The following ZDHHC14 variants were observed in gnomAD, a reference collection of about 807,000 sequenced individuals.
ZDHHC14 encodes palmitoyltransferase ZDHHC14.
A neutral mutation model predicts 47.7 loss-of-function variants in ZDHHC14; 16 were observed. The observed-to-expected ratio is 0.34, with a 90% CI of 0.23 to 0.51. The LOEUF (loss-of-function observed/expected upper bound fraction) is 0.51, where lower values mean the gene tolerates loss of function less well. Ranked by LOEUF, ZDHHC14 falls within the 20% of genes least tolerant of loss-of-function variation. ZDHHC14 has a pLI of 0.97. For missense variants in ZDHHC14, 515 were observed against 662.5 expected (o/e 0.78, Z 2.44); for synonymous variants, 293 against 278.9 (o/e 1.05, Z -0.50).
chr6:157,415,986 G>C (rs1262313344), intron 1 of ZDHHC14, among the ~76,000 whole-genome samples: 2 of 152,096 alleles, frequency 1.3e-5, no homozygotes, highest in Non-Finnish European at 2.9e-5. Flanking sequence ...CTGATGAAGT[G>C]CCCCACATGC....
chr6:157,488,861 C>T (rs549771324), intron 1 of ZDHHC14, among the ~76,000 whole-genome samples: 38 of 152,312 alleles, frequency 2.5e-4, no homozygotes, highest in South Asian at 8.3e-4. Context: ...CATTCTGAGC[C>T]GCGGTGTGGA....
intron 1 of ZDHHC14, among the ~76,000 whole-genome samples, chr6:157,537,475 C>T (rs1322692842): frequency 6.6e-6 from 1 of 152,174 alleles, no homozygotes; most frequent in South Asian, 2.1e-4. Context: ...GTAAAGGCTT[C>T]TCATCATTTT....
chr6:157,454,498 CTTTTTTT>C (rs5881212), intron 1 of ZDHHC14, among the ~76,000 whole-genome samples: 41 of 127,674 alleles, frequency 3.2e-4, no homozygotes, highest in Admixed American at 8.9e-4. Flanking sequence ...GCAGCTTCTT[CTTTTTTT>C]TTTTTTTTTT....
chr6:157,589,770 G>A (rs1300288470), intron 2 of ZDHHC14, among the ~76,000 whole-genome samples: 1 of 152,148 alleles, frequency 6.6e-6, no homozygotes, highest in African/African-American at 2.4e-5. Context: ...TGGGTAGTGG[G>A]GCACTGCTAT....
intron 3 of ZDHHC14, among the ~76,000 whole-genome samples, chr6:157,612,843 G>GAA (rs67622838): frequency 0.095 from 13,970 of 147,530 alleles, 1,916 homozygotes; most frequent in African/African-American, 0.3. Context: ...CTCTCTTAGA[G>GAA]AAAAAAAAAA....
chr6:157,384,790 C>G (rs1354825278), intron 1 of ZDHHC14, among the ~76,000 whole-genome samples: 2 of 152,176 alleles, frequency 1.3e-5, no homozygotes, highest in Non-Finnish European at 2.9e-5. Context: ...TAACCCCATA[C>G]AGAGGAAGAA....
chr6:157,538,892 G>A (rs1209466701), intron 1 of ZDHHC14, among the ~76,000 whole-genome samples: 4 of 152,138 alleles, frequency 2.6e-5, no homozygotes, highest in Admixed American at 2.0e-4. Context: ...TGCCTGAGAC[G>A]CCCAAATGTT....
intron 1 of ZDHHC14, among the ~76,000 whole-genome samples, chr6:157,391,860 G>A (rs544316966): frequency 6.6e-6 from 1 of 152,180 alleles, no homozygotes; most frequent in African/African-American, 2.4e-5. Context: ...ACTTGTGATT[G>A]TTAAAAACTT....
chr6:157,632,644 T>C (rs1262104604), intron 4 of ZDHHC14, 190 bp from the exon 5 acceptor site: 1 of 643,088 alleles, frequency 1.6e-6, no homozygotes, highest in East Asian at 2.6e-5. Context: ...TAATTATGAA[T>C]CCTCCATTTT....
At chr6:157,494,030 A>G (rs1156229616) in intron 1 of ZDHHC14, among the ~76,000 whole-genome samples, 1 of 152,226 alleles carries the variant, frequency 6.6e-6, no homozygotes, top group African/African-American at 2.4e-5. Flanking sequence ...GTTTGTAAAG[A>G]AGAGTGGTCC....
rs34422181 is a variant in ZDHHC14, at chr6:157,677,240, TAAAAAAAA to T, written c.*4132_*4139del. 145 of 126,586 alleles carry T rather than the reference TAAAAAAAA, an allele frequency of 1.1e-3. No individual in the cohort carries two copies. Among genetic ancestry groups the T allele is most frequent in the African/African-American group, 3.8e-3 (132 of 34,294 alleles). The allele number at this position is 126,586 out of a possible 1,614,324, so 7.8% of individuals were successfully genotyped here. ...ATGCTATTTTCCAAGGTACCTCATT[TAAAAAAAA>T]AAAAAAAAAAAAACTGCCTCTCATT... On this transcript the variant is annotated 3_prime_UTR_variant, in exon 9 of 9. Coordinates refer to ENST00000359775, the MANE Select transcript of ZDHHC14 (RefSeq NM_024630.3).
At chr6:157,579,359 A>G (rs563827937) in intron 2 of ZDHHC14, among the ~76,000 whole-genome samples, 3 of 151,580 alleles carry the variant, frequency 2.0e-5, no homozygotes, top group East Asian at 1.9e-4. Context: ...CACCACGCCC[A>G]GCTAATTTTT....
chr6:157,429,825 A>G (rs1245632927), intron 1 of ZDHHC14, among the ~76,000 whole-genome samples: 1 of 152,106 alleles, frequency 6.6e-6, no homozygotes. Context: ...GAGTTGAGGA[A>G]GTCTCCCATA....
intron 1 of ZDHHC14, among the ~76,000 whole-genome samples, chr6:157,400,500 A>G (rs184181149): frequency 1.3e-5 from 2 of 152,278 alleles, no homozygotes; most frequent in Admixed American, 6.5e-5. Flanking sequence ...ATGAAACAAC[A>G]CTTAATCTGA....
intron 1 of ZDHHC14, among the ~76,000 whole-genome samples, chr6:157,504,190 A>T (rs1292430277): frequency 6.3e-5 from 5 of 79,016 alleles, no homozygotes; most frequent in Admixed American, 2.6e-4. Context: ...GGGCATATAT[A>T]TATTTTTTTT....
At chr6:157,480,972 T>C (rs1468706859) in intron 1 of ZDHHC14, among the ~76,000 whole-genome samples, 1 of 152,248 alleles carries the variant, frequency 6.6e-6, no homozygotes, top group Non-Finnish European at 1.5e-5. Context: ...AGTTGTTTTG[T>C]TACAAGAGCT....
intron 1 of ZDHHC14, among the ~76,000 whole-genome samples, chr6:157,540,906 G>A (rs1185634797): frequency 6.3e-5 from 8 of 127,084 alleles, no homozygotes; most frequent in African/African-American, 2.3e-4. Context: ...GTGTGTGTGT[G>A]TGTGTATATA....
chr6:157,464,672 A>C (rs978509545), intron 1 of ZDHHC14, among the ~76,000 whole-genome samples: 1 of 152,102 alleles, frequency 6.6e-6, no homozygotes, highest in African/African-American at 2.4e-5. Flanking sequence ...TATTCTAATG[A>C]TCTATTATTG....
chr6:157,587,922 C>T (rs1303439361), intron 2 of ZDHHC14, among the ~76,000 whole-genome samples: 7 of 152,094 alleles, frequency 4.6e-5, no homozygotes, highest in Admixed American at 2.6e-4. Context: ...TTGCTTGAGA[C>T]CAGCCTGAGC....
Sources: gnomAD v4.1 joint callset for allele counts (sites outside exome capture counted in the v4.1 genomes callset) on GRCh38, gnomAD v4.1.1 for gene constraint, MANE v1.5 for transcripts, NCBI Gene and HGNC (gene_info 2026-07-23, HGNC 2026-07-21) for gene names.